The following ZNF423 variants were observed in gnomAD, a reference collection of about 807,000 sequenced individuals.
ZNF423 encodes the protein Ebf-associated zinc finger protein.
In ZNF423, 12 loss-of-function variants were observed where a neutral mutation model predicts 95.8. The ratio of observed to expected loss-of-function variants is 0.13; its 90% CI spans 0.08 to 0.20. The LOEUF is 0.20. ZNF423 is among the 10% of genes least tolerant of loss of function. The pLI, the probability that ZNF423 is intolerant of heterozygous loss-of-function variation, is 1.00. For synonymous variants in ZNF423, 749 were observed against 711.9 expected (o/e 1.05, Z -0.83); for missense variants, 1,316 against 1,737.1 (o/e 0.76, Z 4.31).
rs573395381 is a variant in ZNF423, at chr16:49,824,917, G to A, written c.40+30818C>T. On this transcript the variant is annotated intron_variant, in intron 1 of 7. Coordinates refer to ENST00000563137, the MANE Select transcript of ZNF423 (RefSeq NM_001379286.1). ...CTCTCTGATGCAAAAGAAACTCGTGGGCTGGTTTTTAAGACTCGAAATAAA... is the reference window on the plus strand; with the variant it reads ...CTCTCTGATGCAAAAGAAACTCGTGAGCTGGTTTTTAAGACTCGAAATAAA... 3.9e-5 allele frequency among the ~76,000 whole-genome samples: 6 copies of A among 152,278 alleles called. No homozygotes were observed. The East Asian group carries it at 7.7e-4, about 20-fold the overall frequency.
At chr16:49,802,165 C>G (rs117970853) in intron 1 of ZNF423, among the ~76,000 whole-genome samples, 1 of 152,052 alleles carries the variant, frequency 6.6e-6, no homozygotes, top group South Asian at 2.1e-4. Context: ...GAATTCTTAA[C>G]CCCTTGATTT....
chr16:49,648,817 A>AT (rs1251997263), intron 3 of ZNF423, among the ~76,000 whole-genome samples: 2 of 152,196 alleles, frequency 1.3e-5, no homozygotes, highest in Admixed American at 1.3e-4. Context: ...CTTTGGTGAG[A>AT]TTAAGGGTGT....
At chr16:49,523,293 C>T (rs1968473387) in intron 7 of ZNF423, among the ~76,000 whole-genome samples, 1 of 152,234 alleles carries the variant, frequency 6.6e-6, no homozygotes, top group African/African-American at 2.4e-5. Flanking sequence ...CTTCTAGCCA[C>T]AGAACCAAAG....
chr16:49,541,305 A>G (rs1969237435), intron 5 of ZNF423, among the ~76,000 whole-genome samples: 1 of 152,256 alleles, frequency 6.6e-6, no homozygotes, highest in Non-Finnish European at 1.5e-5. Flanking sequence ...CCTGTGGACC[A>G]GAGACAAACG....
At chr16:49,633,935 C>G (rs1972591267) in intron 4 of ZNF423, among the ~76,000 whole-genome samples, 2 of 151,574 alleles carry the variant, frequency 1.3e-5, no homozygotes, top group Non-Finnish European at 2.9e-5. Flanking sequence ...GAGATGGAGT[C>G]TTCCTCTGTC....
At chr16:49,711,504 G>A (rs752808752) in intron 3 of ZNF423, 2 of 152,152 alleles carry the variant, frequency 1.3e-5, no homozygotes, top group Non-Finnish European at 2.9e-5. Context: ...ATATAACATT[G>A]TTTCTGTGGA....
intron 5 of ZNF423, among the ~76,000 whole-genome samples, chr16:49,622,477 G>A (rs557470291): frequency 2.0e-5 from 3 of 152,196 alleles, no homozygotes; most frequent in Admixed American, 6.5e-5. Flanking sequence ...TCGCAGCCTG[G>A]CAGAAACCCA....
chr16:49,721,125 C>G (rs1399735821), intron 3 of ZNF423, among the ~76,000 whole-genome samples: 1 of 152,310 alleles, frequency 6.6e-6, no homozygotes, highest in Non-Finnish European at 1.5e-5. Context: ...CCCTGGAGGA[C>G]CAAGCTTGAG....
chr16:49,501,265 A>G (rs1967388038), intron 7 of ZNF423, among the ~76,000 whole-genome samples: 1 of 152,164 alleles, frequency 6.6e-6, no homozygotes, highest in Admixed American at 6.5e-5. Flanking sequence ...CAGCCCCAAG[A>G]ACTCAAACTT....
chr16:49,507,719 G>A (rs1342357866), intron 7 of ZNF423, among the ~76,000 whole-genome samples: 2 of 152,232 alleles, frequency 1.3e-5, no homozygotes, highest in Non-Finnish European at 2.9e-5. Flanking sequence ...TCTACAAAAT[G>A]GTGAGAGTCA....
rs536251014 is a variant in ZNF423, at chr16:49,741,375, C to T, written c.101-10404G>A. Among the ~76,000 whole-genome samples, 14 of 152,082 alleles carry T rather than the reference C, an allele frequency of 9.2e-5. No individual in the cohort carries two copies. The South Asian group carries it at 1.2e-3, about 14-fold the overall frequency. On this transcript the variant is annotated intron_variant, in intron 2 of 7. Transcript: ENST00000563137. ...ATAAAAAATTAGCCGGGCATGGTGG[C>T]GCATGCCTATAATCCCAGCTACTCG...
chr16:49,680,166 G>C (rs1029026582), intron 3 of ZNF423, among the ~76,000 whole-genome samples: 27 of 152,194 alleles, frequency 1.8e-4, no homozygotes, highest in Admixed American at 1.3e-3. Flanking sequence ...ACCCACTGCA[G>C]TCTCCTCTCC....
intron 3 of ZNF423, among the ~76,000 whole-genome samples, chr16:49,730,160 A>C (rs115528196): frequency 3.4e-4 from 52 of 152,236 alleles, no homozygotes; most frequent in African/African-American, 1.2e-3. Flanking sequence ...AAAACTCCTG[A>C]AGTCTTCAGT....
chr16:49,794,730 G>A (rs1441392946), intron 1 of ZNF423, among the ~76,000 whole-genome samples: 1 of 152,176 alleles, frequency 6.6e-6, no homozygotes, highest in Non-Finnish European at 1.5e-5. Flanking sequence ...CTGCTAACCC[G>A]AACACCTCTC....
chr16:49,515,861 G>A (rs538604833), intron 7 of ZNF423, among the ~76,000 whole-genome samples: 2 of 152,322 alleles, frequency 1.3e-5, no homozygotes, highest in East Asian at 3.9e-4. Flanking sequence ...TGCCCATGGG[G>A]ATGCAGAGAC....
At chr16:49,797,985 C>T (rs28498278) in intron 1 of ZNF423, among the ~76,000 whole-genome samples, 58,164 of 152,010 alleles carry the variant, frequency 0.38, 11,286 homozygotes, top group African/African-American at 0.43. Flanking sequence ...CAAGGCAGGA[C>T]GATTGCTTGA....
At chr16:49,654,408 A>G (rs1307433160) in intron 3 of ZNF423, among the ~76,000 whole-genome samples, 1 of 152,236 alleles carries the variant, frequency 6.6e-6, no homozygotes, top group African/African-American at 2.4e-5. Flanking sequence ...ATGGCAGTCC[A>G]ATACGTCCTG....
chr16:49,739,986 G>C (rs957232019), intron 2 of ZNF423, among the ~76,000 whole-genome samples: 1 of 151,962 alleles, frequency 6.6e-6, no homozygotes, highest in Non-Finnish European at 1.5e-5. Context: ...AGCCTCCCGA[G>C]TAGCTGGGAT....
At chr16:49,621,065 G>A (rs1200073090) in intron 5 of ZNF423, among the ~76,000 whole-genome samples, 1 of 152,192 alleles carries the variant, frequency 6.6e-6, no homozygotes, top group Non-Finnish European at 1.5e-5. Context: ...GGGGCCTCCT[G>A]CAGAGCAATT....
Sources: allele counts gnomAD v4.1 joint callset (sites outside exome capture counted in the v4.1 genomes callset), GRCh38; gene constraint gnomAD v4.1.1; transcripts MANE v1.5; gene names NCBI Gene and HGNC (gene_info 2026-07-23, HGNC 2026-07-21).